TSPAN5: variants seen among roughly 807,000 people sequenced by gnomAD.
TSPAN5 encodes the protein tetraspanin 5, also known as tetraspanin-5.
In TSPAN5, 10 loss-of-function variants were observed where a neutral mutation model predicts 37.1. The observed-to-expected ratio is 0.27, with a 90% CI of 0.17 to 0.46. The LOEUF is 0.46. Among genes scored for constraint, TSPAN5 ranks in the 20% least tolerant of loss-of-function variants. The pLI is 1.00. For missense variants in TSPAN5, 195 were observed against 326.6 expected, an observed-to-expected ratio of 0.60 and a Z score of 3.11; for synonymous variants, 110 against 118.9, an observed-to-expected ratio of 0.93 and a Z score of 0.48.
chr4:98,511,852 T>C (rs1332108173), intron 1 of TSPAN5, among the ~76,000 whole-genome samples: 1 of 152,168 alleles, frequency 6.6e-6, no homozygotes, highest in Non-Finnish European at 1.5e-5. Flanking sequence ...GTACAAAGTA[T>C]CCCATAACAA....
chr4:98,545,675 G>A (rs534968144), intron 1 of TSPAN5, among the ~76,000 whole-genome samples: 15 of 152,162 alleles, frequency 9.9e-5, no homozygotes, highest in Non-Finnish European at 2.1e-4. Context: ...GACTACTGGC[G>A]TGTGCCACCA....
intron 1 of TSPAN5, among the ~76,000 whole-genome samples, chr4:98,529,772 T>G (rs919752572): frequency 1.8e-4 from 28 of 152,192 alleles, no homozygotes; most frequent in Admixed American, 1.6e-3. Context: ...TGCAGCCAGT[T>G]TAATCTCTAA....
At chr4:98,492,828 T>C (rs1003604381) in intron 2 of TSPAN5, among the ~76,000 whole-genome samples, 3 of 152,206 alleles carry the variant, frequency 2.0e-5, no homozygotes, top group Non-Finnish European at 4.4e-5. Flanking sequence ...TGACAAATAA[T>C]GCATAACATG....
intron 4 of TSPAN5, among the ~76,000 whole-genome samples, chr4:98,481,256 T>C: frequency 6.6e-6 from 1 of 152,152 alleles, no homozygotes; most frequent in Non-Finnish European, 1.5e-5. Flanking sequence ...ATTGGGGAAA[T>C]AGGTCAAGGT....
intron 1 of TSPAN5, among the ~76,000 whole-genome samples, chr4:98,608,192 G>A (rs1183872394): frequency 6.6e-6 from 1 of 152,176 alleles, no homozygotes; most frequent in African/African-American, 2.4e-5. Flanking sequence ...ACATCAGGCA[G>A]ACATTCCCGT....
chr4:98,552,013 C>T (rs1487989880), intron 1 of TSPAN5, among the ~76,000 whole-genome samples: 1 of 152,108 alleles, frequency 6.6e-6, no homozygotes, highest in Non-Finnish European at 1.5e-5. Flanking sequence ...TAATAATAGT[C>T]TCTGATGATC....
chr4:98,571,066 A>G (rs1755107481), intron 1 of TSPAN5, among the ~76,000 whole-genome samples: 1 of 152,188 alleles, frequency 6.6e-6, no homozygotes, highest in Non-Finnish European at 1.5e-5. Context: ...TCAGAGGTCA[A>G]TGGACCACTT....
intron 1 of TSPAN5, among the ~76,000 whole-genome samples, chr4:98,531,988 T>A (rs532081099): frequency 1.3e-5 from 2 of 152,290 alleles, no homozygotes; most frequent in South Asian, 2.1e-4. Context: ...ATTGCAAAAA[T>A]TTTCTCCCAC....
chr4:98,593,665 A>G (rs1192488958), intron 1 of TSPAN5, among the ~76,000 whole-genome samples: 1 of 8,302 alleles, frequency 1.2e-4, no homozygotes, highest in Non-Finnish European at 1.9e-4. Flanking sequence ...ATGGCTAGCC[A>G]GTTTTCCCAG....
intron 1 of TSPAN5, among the ~76,000 whole-genome samples, chr4:98,562,131 TATAA>T (rs1015627503): frequency 6.6e-6 from 1 of 152,156 alleles, no homozygotes; most frequent in African/African-American, 2.4e-5. Flanking sequence ...GGGATGAGGT[TATAA>T]ATAAGGCTAT....
intron 1 of TSPAN5, among the ~76,000 whole-genome samples, chr4:98,565,836 CA>C (rs1418256034): frequency 6.6e-6 from 1 of 152,180 alleles, no homozygotes; most frequent in Non-Finnish European, 1.5e-5. Context: ...CCCATTCAGA[CA>C]AGAACAGATG....
intron 1 of TSPAN5, among the ~76,000 whole-genome samples, chr4:98,533,754 G>A (rs1260277637): frequency 6.7e-6 from 1 of 148,548 alleles, no homozygotes; most frequent in African/African-American, 2.5e-5. Flanking sequence ...GTTTCACCAT[G>A]TTAGCCAGGA....
intron 1 of TSPAN5, among the ~76,000 whole-genome samples, chr4:98,610,173 C>T (rs545680377): frequency 6.6e-6 from 1 of 152,306 alleles, no homozygotes; most frequent in Non-Finnish European, 1.5e-5. Flanking sequence ...TACCGAGGAG[C>T]TGGCATTTGC....
intron 1 of TSPAN5, among the ~76,000 whole-genome samples, chr4:98,605,379 T>C (rs1002438359): frequency 3.3e-5 from 5 of 152,166 alleles, no homozygotes; most frequent in African/African-American, 1.2e-4. Flanking sequence ...CTTCCAAAGT[T>C]GGTGCCAGAA....
At chr4:98,649,516 C>T (rs1422043815) in intron 1 of TSPAN5, among the ~76,000 whole-genome samples, 6 of 152,158 alleles carry the variant, frequency 3.9e-5, no homozygotes, top group South Asian at 2.1e-4. Context: ...CCAAAGTGTT[C>T]GTTGGCTGCC....
chr4:98,650,620 T>C lies in TSPAN5; in HGVS notation c.81+7526A>G, dbSNP rs77473051. 1.4e-3 allele frequency among the ~76,000 whole-genome samples: 209 copies of C among 152,226 alleles called. 1 individual carries two copies. The highest frequency in any genetic ancestry group is 4.8e-3 in the African/African-American group (200 of 41,538). On this transcript the variant is annotated intron_variant, in intron 1 of 7. Coordinates refer to ENST00000305798, the MANE Select transcript of TSPAN5 (RefSeq NM_005723.4). ...GTAAACTCATGGTTTTAAAAGTACA[T>C]AGATACAGAATTACAGATGTACATG...
intron 1 of TSPAN5, among the ~76,000 whole-genome samples, chr4:98,654,787 C>T (rs1230900254): frequency 6.6e-6 from 1 of 152,174 alleles, no homozygotes; most frequent in African/African-American, 2.4e-5. Context: ...GAGAGAAGCA[C>T]GGACACTATA....
chr4:98,599,268 G>T (rs1001754828), intron 1 of TSPAN5, among the ~76,000 whole-genome samples: 3 of 152,092 alleles, frequency 2.0e-5, no homozygotes, highest in Non-Finnish European at 2.9e-5. Context: ...AGCCTCCTGA[G>T]TAGGTAAGAC....
chr4:98,639,377 G>A (rs537510298), intron 1 of TSPAN5, among the ~76,000 whole-genome samples: 1 of 152,266 alleles, frequency 6.6e-6, no homozygotes, highest in African/African-American at 2.4e-5. Context: ...GAGTGCAGTG[G>A]CAAAATCATA....
Sources: allele counts gnomAD v4.1 joint callset (sites outside exome capture counted in the v4.1 genomes callset), GRCh38; gene constraint gnomAD v4.1.1; transcripts MANE v1.5; gene names NCBI Gene and HGNC (gene_info 2026-07-23, HGNC 2026-07-21).